The following CTNNA2 variants were observed in gnomAD, a reference collection of about 807,000 sequenced individuals.
CTNNA2 encodes catenin alpha-2.
Under a neutral mutation model 101.0 loss-of-function variants are expected in CTNNA2, and 42 were observed. That is an observed-to-expected ratio of 0.42 (90% CI 0.32 to 0.54). The LOEUF (loss-of-function observed/expected upper bound fraction) is 0.54, where lower values mean the gene tolerates loss of function less well. Among genes scored for constraint, CTNNA2 ranks in the 20% least tolerant of loss-of-function variants. The pLI, the probability that CTNNA2 is intolerant of heterozygous loss-of-function variation, is 0.14. For missense variants in CTNNA2, 871 were observed against 1,223.1 expected, an observed-to-expected ratio of 0.71 and a Z score of 4.29; for synonymous variants, 450 against 456.4, an observed-to-expected ratio of 0.99 and a Z score of 0.18.
intron 9 of CTNNA2, among the ~76,000 whole-genome samples, chr2:80,500,443 A>G (rs947171855): frequency 1.1e-4 from 17 of 152,026 alleles, no homozygotes; most frequent in Admixed American, 1.1e-3. Context: ...CTTCATCCAT[A>G]TATTCATCGA....
At chr2:80,260,117 A>G (rs545686176) in intron 7 of CTNNA2, among the ~76,000 whole-genome samples, 8 of 152,184 alleles carry the variant, frequency 5.3e-5, no homozygotes, top group African/African-American at 7.2e-5. Flanking sequence ...AGACTTCCAA[A>G]AGTTAAAAAT....
chr2:80,015,683 T>C (rs1402387082), intron 7 of CTNNA2, among the ~76,000 whole-genome samples: 1 of 152,200 alleles, frequency 6.6e-6, no homozygotes, highest in South Asian at 2.1e-4. Flanking sequence ...AAATCAGATA[T>C]GATAATCCAC....
chr2:79,191,597 GA>G (rs1482600583), intron 1 of CTNNA2, among the ~76,000 whole-genome samples: 3 of 152,166 alleles, frequency 2.0e-5, no homozygotes, highest in Non-Finnish European at 4.4e-5. Context: ...TATAAATTTG[GA>G]AAAGAGAACT....
intron 2 of CTNNA2, among the ~76,000 whole-genome samples, chr2:79,225,124 G>A (rs1674392294): frequency 6.6e-6 from 1 of 151,848 alleles, no homozygotes; most frequent in Non-Finnish European, 1.5e-5. Context: ...ATTTTTATTT[G>A]TCTTGAGTAA....
At chr2:80,427,274 G>T (rs1392412526) in intron 9 of CTNNA2, among the ~76,000 whole-genome samples, 4 of 152,110 alleles carry the variant, frequency 2.6e-5, no homozygotes, top group Non-Finnish European at 5.9e-5. Context: ...TTTTTTAATT[G>T]TCTAATTTAT....
chr2:79,982,852 T>G (rs1380091214), intron 7 of CTNNA2, among the ~76,000 whole-genome samples: 1 of 152,268 alleles, frequency 6.6e-6, no homozygotes, highest in East Asian at 1.9e-4. Context: ...AAAACTCACT[T>G]TCCTCTATCT....
At chr2:79,716,081 A>T (rs1164364672) in intron 2 of CTNNA2, among the ~76,000 whole-genome samples, 1 of 151,960 alleles carries the variant, frequency 6.6e-6, no homozygotes, top group Admixed American at 6.6e-5. Context: ...AGCCACAGGG[A>T]TATGCTCCAC....
intron 3 of CTNNA2, among the ~76,000 whole-genome samples, chr2:79,367,409 G>T (rs749226843): frequency 2.0e-5 from 3 of 152,170 alleles, no homozygotes; most frequent in Admixed American, 6.5e-5. Context: ...TCTCTGGCAG[G>T]GAAATTGAAA....
chr2:80,593,406 A>C (rs944006387), intron 15 of CTNNA2, among the ~76,000 whole-genome samples: 4 of 151,706 alleles, frequency 2.6e-5, no homozygotes, highest in African/African-American at 9.7e-5. Context: ...TCCCCACCTC[A>C]CATTATCTAA....
At chr2:79,247,151 C>T (rs1302618514) in intron 2 of CTNNA2, among the ~76,000 whole-genome samples, 1 of 152,150 alleles carries the variant, frequency 6.6e-6, no homozygotes, top group East Asian at 1.9e-4. Context: ...GACAAGGAGT[C>T]GTAAGACCCC....
chr2:80,379,596 T>C (rs1676310074), intron 7 of CTNNA2, among the ~76,000 whole-genome samples: 1 of 152,186 alleles, frequency 6.6e-6, no homozygotes, highest in African/African-American at 2.4e-5. Context: ...GTTACAAAAA[T>C]AAGTTCCCAA....
intron 12 of CTNNA2, chr2:80,573,350 C>G (rs977339351): frequency 6.6e-6 from 1 of 152,152 alleles, no homozygotes; most frequent in African/African-American, 2.4e-5. Context: ...GTGAAAATAA[C>G]GAAGTGTCAG....
chr2:79,851,737 C>CTTT (rs11399192), intron 3 of CTNNA2, among the ~76,000 whole-genome samples: 1,131 of 87,092 alleles, frequency 0.013, 63 homozygotes, highest in African/African-American at 0.036. Flanking sequence ...TTTTCTTTTC[C>CTTT]TTTTTTTTTT....
chr2:80,099,887 A>G (rs1700434648), intron 7 of CTNNA2, among the ~76,000 whole-genome samples: 1 of 152,242 alleles, frequency 6.6e-6, no homozygotes, highest in Middle Eastern at 3.4e-3. Context: ...CGACCCTAGA[A>G]CTATAGTATC....
At chr2:79,793,530 T>C (rs7602600) in intron 3 of CTNNA2, among the ~76,000 whole-genome samples, 27,099 of 152,142 alleles carry the variant, frequency 0.18, 2,664 homozygotes, top group African/African-American at 0.25. Context: ...TTATTTTTAT[T>C]ATAGGAAGTA....
chr2:80,069,303 C>T (rs530188567), intron 7 of CTNNA2, among the ~76,000 whole-genome samples: 2 of 152,228 alleles, frequency 1.3e-5, no homozygotes, highest in African/African-American at 4.8e-5. Context: ...TCCGGAACAC[C>T]GTCACAGAGA....
intron 3 of CTNNA2, among the ~76,000 whole-genome samples, chr2:79,819,389 T>G (rs900114690): frequency 3.9e-5 from 6 of 152,214 alleles, no homozygotes; most frequent in Admixed American, 2.6e-4. Context: ...GGCTTACTTC[T>G]GTCTCTTCTA....
At chr2:79,191,736 A>G (rs1258756215) in intron 1 of CTNNA2, among the ~76,000 whole-genome samples, 1 of 152,144 alleles carries the variant, frequency 6.6e-6, no homozygotes, top group East Asian at 1.9e-4. Context: ...TTAGATATAC[A>G]TATTTATCAG....
rs139342619 is a variant in CTNNA2, at chr2:80,116,693, A to G, written c.1056+206896A>G. Among the ~76,000 whole-genome samples the G allele has an allele frequency of 2.0e-3, 304 of 152,300 alleles. 1 individual carries two copies. Among genetic ancestry groups the G allele is most frequent in the Non-Finnish European group, 3.2e-3 (220 of 68,018 alleles). The stretch of plus-strand genomic sequence containing the variant: ...ATTTTAGGATGACAGCCAGGTTTCT[A>G]CTTTGGTAATTGAGATAACAGCTAC... On this transcript the variant is annotated intron_variant, in intron 7 of 18. Coordinates refer to ENST00000402739, the MANE Select transcript of CTNNA2 (RefSeq NM_001282597.3).
Sources: allele counts gnomAD v4.1 joint callset (sites outside exome capture counted in the v4.1 genomes callset), GRCh38; gene constraint gnomAD v4.1.1; transcripts MANE v1.5; gene names NCBI Gene and HGNC (gene_info 2026-07-23, HGNC 2026-07-21).